Variants in UBASH3B observed in about 807,000 individuals in gnomAD.
UBASH3B encodes ubiquitin associated and SH3 domain containing B, also known as ubiquitin-associated and SH3 domain-containing protein B.
Under a neutral mutation model 83.4 loss-of-function variants are expected in UBASH3B, and 37 were observed. The observed-to-expected ratio is 0.44, with a 90% CI of 0.34 to 0.58. The LOEUF (loss-of-function observed/expected upper bound fraction) is 0.58, where lower values mean the gene tolerates loss of function less well. Ranked by LOEUF, UBASH3B falls within the 20% of genes least tolerant of loss-of-function variation. The probability of loss-of-function intolerance (pLI) is 0.01; values close to 1 mark genes in which losing one functional copy is unlikely to be tolerated. For synonymous variants in UBASH3B, 304 were observed against 318.3 expected (o/e 0.96, Z 0.48); for missense variants, 657 against 827.2 (o/e 0.79, Z 2.52).
At chr11:122,707,155 G>A (rs780215653) in intron 1 of UBASH3B, among the ~76,000 whole-genome samples, 4 of 152,008 alleles carry the variant, frequency 2.6e-5, no homozygotes, top group Admixed American at 6.6e-5. Flanking sequence ...ATCCACCCCC[G>A]CCTACCCCAT....
At chr11:122,724,221 C>T (rs75455953) in intron 1 of UBASH3B, among the ~76,000 whole-genome samples, 7,148 of 152,288 alleles carry the variant, frequency 0.047, 207 homozygotes, top group South Asian at 0.072. Flanking sequence ...TTGTAATTGT[C>T]ACTGTGCCTC....
At chr11:122,768,508 G>GTGTGTA (rs557159523) in intron 1 of UBASH3B, among the ~76,000 whole-genome samples, 2,926 of 134,286 alleles carry the variant, frequency 0.022, 51 homozygotes, top group African/African-American at 0.041. Flanking sequence ...GTGTGTGTGT[G>GTGTGTA]TATATATATA....
Position 122,811,053 on chromosome 11 carries a change from T to C in UBASH3B, c.*1167T>C, listed in dbSNP as rs1861438471. The stretch of plus-strand genomic sequence containing the variant: ...TTTTTCTATGATAATTTAAAATACA[T>C]AGGTAGGGCTACTGAGGAAATTTGG... On this transcript the variant is annotated 3_prime_UTR_variant, in exon 14 of 14. Coordinates refer to ENST00000284273, the MANE Select transcript of UBASH3B (RefSeq NM_032873.5). The C allele has an allele frequency of 6.6e-6, 1 of 152,374 alleles. No individual in the cohort carries two copies. The highest frequency in any genetic ancestry group is 2.4e-5 in the African/African-American group (1 of 41,396). The allele number at this position is 152,374 out of a possible 1,614,324, so 9.4% of individuals were successfully genotyped here.
intron 1 of UBASH3B, among the ~76,000 whole-genome samples, chr11:122,769,434 A>G (rs2135129217): frequency 6.6e-6 from 1 of 152,318 alleles, no homozygotes. Flanking sequence ...ATAAAGGTTT[A>G]AAGTCTGAAG....
At chr11:122,789,075 C>T (rs372078996) in intron 5 of UBASH3B, 25 bp from the exon 6 acceptor site, 15 of 1,592,446 alleles carry the variant, frequency 9.4e-6, no homozygotes, top group African/African-American at 9.4e-5. Flanking sequence ...GCATGGGGCT[C>T]ACTCACCCTC....
At chr11:122,712,776 C>T (rs892787602) in intron 1 of UBASH3B, among the ~76,000 whole-genome samples, 1 of 151,608 alleles carries the variant, frequency 6.6e-6, no homozygotes, top group Admixed American at 6.6e-5. Context: ...ACAGCAGTTA[C>T]ATTTGCAGGA....
At chr11:122,744,166 T>C (rs1232361187) in intron 1 of UBASH3B, among the ~76,000 whole-genome samples, 6 of 152,164 alleles carry the variant, frequency 3.9e-5, no homozygotes, top group Non-Finnish European at 4.4e-5. Flanking sequence ...CTTCCTGTTT[T>C]GAAACCACCA....
chr11:122,711,889 T>A (rs989600156), intron 1 of UBASH3B, among the ~76,000 whole-genome samples: 9 of 152,164 alleles, frequency 5.9e-5, no homozygotes, highest in Admixed American at 2.6e-4. Flanking sequence ...CATTTTTTTC[T>A]ATCCCTTTAC....
chr11:122,750,591 G>C (rs902528721), intron 1 of UBASH3B, among the ~76,000 whole-genome samples: 2 of 152,234 alleles, frequency 1.3e-5, no homozygotes, highest in Non-Finnish European at 2.9e-5. Context: ...CTCATGAAAT[G>C]AATCTGGAGA....
chr11:122,758,116 C>A lies in UBASH3B; in HGVS notation c.162-18103C>A. Among the ~76,000 whole-genome samples, 1 of 152,116 alleles carries A rather than the reference C, an allele frequency of 6.6e-6. No individual in the cohort carries two copies. The highest frequency in any genetic ancestry group is 1.9e-4 in the East Asian group (1 of 5,176). Reference sequence around the variant, plus strand: ...TTACCAAGTGCCAAATTGCCAGATTCCCTGAGCGCTGGGAACTGAGGCCCA... The same window carrying A: ...TTACCAAGTGCCAAATTGCCAGATTACCTGAGCGCTGGGAACTGAGGCCCA... On this transcript the variant is annotated intron_variant, in intron 1 of 13. Transcript: ENST00000284273. The surrounding 1 kb of genome is among the most constrained non-coding windows in gnomAD (Gnocchi z 4.2).
chr11:122,681,922 G>C (rs1486727462), intron 1 of UBASH3B, among the ~76,000 whole-genome samples: 1 of 152,184 alleles, frequency 6.6e-6, no homozygotes, highest in African/African-American at 2.4e-5. Context: ...CTCTGCCTGG[G>C]TTTGGGAAGC....
At chr11:122,663,655 G>A (rs149616239) in intron 1 of UBASH3B, among the ~76,000 whole-genome samples, 26 of 152,290 alleles carry the variant, frequency 1.7e-4, no homozygotes, top group African/African-American at 5.8e-4. Flanking sequence ...AATCCCAGCC[G>A]GCATAAGCCT....
intron 1 of UBASH3B, among the ~76,000 whole-genome samples, chr11:122,684,060 A>T (rs947093812): frequency 1.3e-5 from 2 of 152,162 alleles, no homozygotes; most frequent in Non-Finnish European, 2.9e-5. Flanking sequence ...TTGACCAAAA[A>T]CTCTTGATAA....
chr11:122,723,236 A>G (rs1860672961), intron 1 of UBASH3B, among the ~76,000 whole-genome samples: 1 of 152,232 alleles, frequency 6.6e-6, no homozygotes, highest in Admixed American at 6.5e-5. Context: ...CACTGTTCAG[A>G]TTACAAAGCC....
chr11:122,734,802 A>G (rs527906659), intron 1 of UBASH3B, among the ~76,000 whole-genome samples: 1 of 151,538 alleles, frequency 6.6e-6, no homozygotes, highest in African/African-American at 2.4e-5. Context: ...TGTATCTTAA[A>G]AAAAAAAAAG....
At chr11:122,777,372 G>T (rs1176852444) in intron 3 of UBASH3B, among the ~76,000 whole-genome samples, 162 bp downstream of exon 3, 1 of 152,138 alleles carries the variant, frequency 6.6e-6, no homozygotes, top group East Asian at 1.9e-4. Context: ...TCCACAATGG[G>T]CCCCTCACCC....
intron 1 of UBASH3B, among the ~76,000 whole-genome samples, chr11:122,694,477 T>A (rs1863936094): frequency 6.6e-6 from 1 of 152,156 alleles, no homozygotes; most frequent in South Asian, 2.1e-4. Flanking sequence ...GGAGGATCGC[T>A]TGAGCCTGAG....
intron 6 of UBASH3B, among the ~76,000 whole-genome samples, chr11:122,794,486 C>T (rs769232709): frequency 2.2e-4 from 34 of 152,218 alleles, no homozygotes; most frequent in East Asian, 7.7e-4. Flanking sequence ...GTGTGATCAC[C>T]ACACCCGGCC....
chr11:122,727,392 C>T (rs973905120), intron 1 of UBASH3B: 3 of 152,140 alleles, frequency 2.0e-5, no homozygotes, highest in African/African-American at 7.2e-5. Flanking sequence ...CCTGCGTTCT[C>T]TAAGGGTCGC....
Sources: allele counts gnomAD v4.1 joint callset (sites outside exome capture counted in the v4.1 genomes callset), GRCh38; gene constraint gnomAD v4.1.1; non-coding constraint Gnocchi (gnomAD v3.1); transcripts MANE v1.5; gene names NCBI Gene and HGNC (gene_info 2026-07-23, HGNC 2026-07-21).